Variants in GALNTL6 observed in about 807,000 individuals in gnomAD.
GALNTL6 encodes the protein polypeptide N-acetylgalactosaminyltransferase like 6, also known as polypeptide N-acetylgalactosaminyltransferase-like 6.
A neutral mutation model predicts 73.7 loss-of-function variants in GALNTL6; 46 were observed. The ratio of observed to expected loss-of-function variants is 0.62; its 90% confidence interval spans 0.49 to 0.80. GALNTL6 has a LOEUF of 0.80. GALNTL6 is among the 30% of genes least tolerant of loss of function. The pLI is 0.00. For synonymous variants in GALNTL6, 259 were observed against 263.7 expected (o/e 0.98, Z 0.17); for missense variants, 604 against 755.0 (o/e 0.80, Z 2.34).
At chr4:172,686,824 C>A (rs1362271066) in intron 5 of GALNTL6, among the ~76,000 whole-genome samples, 2 of 152,052 alleles carry the variant, frequency 1.3e-5, no homozygotes, top group Admixed American at 1.3e-4. Context: ...TGTTTTTAGG[C>A]CTCATCTATC....
chr4:171,990,506 GA>G (rs1379046646), intron 2 of GALNTL6, among the ~76,000 whole-genome samples: 1 of 152,038 alleles, frequency 6.6e-6, no homozygotes, highest in Admixed American at 6.6e-5. Flanking sequence ...GTATTATTCT[GA>G]TACTTTATAT....
intron 5 of GALNTL6, among the ~76,000 whole-genome samples, chr4:172,684,041 AAAGG>A (rs1277743241): frequency 6.6e-6 from 1 of 152,246 alleles, no homozygotes; most frequent in Non-Finnish European, 1.5e-5. Context: ...ATGCATCTAT[AAAGG>A]ATAGATCGCT....
chr4:172,966,147 T>C (rs1324285148), intron 10 of GALNTL6, among the ~76,000 whole-genome samples: 1 of 152,228 alleles, frequency 6.6e-6, no homozygotes, highest in Non-Finnish European at 1.5e-5. Context: ...TTAGCATATG[T>C]ACAAAAATTC....
At chr4:172,282,406 G>T (rs1309899133) in intron 3 of GALNTL6, among the ~76,000 whole-genome samples, 1 of 152,094 alleles carries the variant, frequency 6.6e-6, no homozygotes, top group East Asian at 1.9e-4. Flanking sequence ...CGTACTAGTG[G>T]CAAGAAATTG....
chr4:172,099,973 A>G (rs1732467494), intron 2 of GALNTL6, among the ~76,000 whole-genome samples: 1 of 152,104 alleles, frequency 6.6e-6, no homozygotes, highest in African/African-American at 2.4e-5. Context: ...GGCAATTCAT[A>G]TTGTAAGCCA....
intron 2 of GALNTL6, among the ~76,000 whole-genome samples, chr4:172,030,587 G>C (rs1424863262): frequency 1.3e-5 from 2 of 151,886 alleles, no homozygotes; most frequent in South Asian, 2.1e-4. Context: ...GTGCACATCT[G>C]TAATCCCAGC....
intron 3 of GALNTL6, among the ~76,000 whole-genome samples, chr4:172,283,384 T>G (rs2111084076): frequency 6.6e-6 from 1 of 152,344 alleles, no homozygotes; most frequent in South Asian, 2.1e-4. Flanking sequence ...TAAAATGTAC[T>G]AATTTCTTAG....
intron 2 of GALNTL6, among the ~76,000 whole-genome samples, chr4:171,955,382 CTATATA>C: frequency 9.0e-6 from 1 of 111,504 alleles, no homozygotes; most frequent in East Asian, 3.1e-4. Flanking sequence ...ATCTATCTAT[CTATATA>C]TATATATGTT....
chr4:172,000,335 T>C (rs1228939595), intron 2 of GALNTL6, among the ~76,000 whole-genome samples: 1 of 152,214 alleles, frequency 6.6e-6, no homozygotes. Context: ...TCATTGAATA[T>C]GGATAACTTG....
chr4:172,716,727 A>C (rs1312612784), intron 5 of GALNTL6, among the ~76,000 whole-genome samples: 1 of 152,234 alleles, frequency 6.6e-6, no homozygotes, highest in African/African-American at 2.4e-5. Context: ...AAATGCAAAA[A>C]TCACAGCAGA....
intron 5 of GALNTL6, among the ~76,000 whole-genome samples, chr4:172,610,105 C>G (rs916662557): frequency 2.0e-5 from 3 of 151,964 alleles, no homozygotes; most frequent in South Asian, 2.1e-4. Context: ...ATTAGTCTAT[C>G]TAGCAGTCTA....
chr4:172,424,463 G>C (rs899128181), intron 5 of GALNTL6, among the ~76,000 whole-genome samples: 3 of 152,076 alleles, frequency 2.0e-5, no homozygotes, highest in African/African-American at 7.2e-5. Context: ...GTAATCATTA[G>C]AGGAAGTGTT....
chr4:172,708,069 C>G (rs908005710), intron 5 of GALNTL6, among the ~76,000 whole-genome samples: 1 of 152,058 alleles, frequency 6.6e-6, no homozygotes, highest in East Asian at 1.9e-4. Flanking sequence ...AAAAACAAAA[C>G]TTTTTTCTCC....
At chr4:172,306,110 C>T (rs929552623) in intron 3 of GALNTL6, among the ~76,000 whole-genome samples, 2 of 151,990 alleles carry the variant, frequency 1.3e-5, no homozygotes, top group African/African-American at 2.4e-5. Flanking sequence ...ATATGTTGGC[C>T]GGGCGTGGTG....
At chr4:172,630,874 A>G (rs564902907) in intron 5 of GALNTL6, among the ~76,000 whole-genome samples, 2 of 151,130 alleles carry the variant, frequency 1.3e-5, no homozygotes, top group East Asian at 2.0e-4. Flanking sequence ...TATATACTGC[A>G]TAGAAAATAT....
At chr4:172,190,666 C>T (rs931607556) in intron 2 of GALNTL6, among the ~76,000 whole-genome samples, 4 of 152,126 alleles carry the variant, frequency 2.6e-5, no homozygotes, top group African/African-American at 4.8e-5. Context: ...AGAACCAGGC[C>T]ATATGGGCCT....
At chr4:172,893,351 G>T (rs930367697) in intron 8 of GALNTL6, among the ~76,000 whole-genome samples, 5 of 151,910 alleles carry the variant, frequency 3.3e-5, no homozygotes, top group African/African-American at 7.3e-5. Context: ...GTGGCGGGGG[G>T]GGGGTCTTCC....
intron 3 of GALNTL6, chr4:172,266,198 C>G (rs975542953): frequency 4.6e-5 from 7 of 152,104 alleles, no homozygotes; most frequent in African/African-American, 1.2e-4. Flanking sequence ...GCCCTGAAGC[C>G]TGAGCAGGAG....
At chr4:172,841,279 T>C (rs1477269718) in intron 7 of GALNTL6, among the ~76,000 whole-genome samples, 1 of 152,232 alleles carries the variant, frequency 6.6e-6, no homozygotes. Context: ...GGATTTACCC[T>C]GTGTCAGGCA....
Sources: allele counts gnomAD v4.1 joint callset (sites outside exome capture counted in the v4.1 genomes callset), GRCh38; gene constraint gnomAD v4.1.1; transcripts MANE v1.5; gene names NCBI Gene and HGNC (gene_info 2026-07-23, HGNC 2026-07-21).